Variants in TCF12 observed in about 807,000 individuals in gnomAD.
The protein encoded by TCF12 is DNA-binding protein HTF4.
Under a neutral mutation model 86.0 loss-of-function variants are expected in TCF12, and 45 were observed. The observed-to-expected ratio is 0.52, with a 90% confidence interval of 0.41 to 0.67. TCF12 has a LOEUF of 0.67. TCF12 is among the 30% of genes least tolerant of loss of function. The pLI is 0.00. For synonymous variants in TCF12, 330 were observed against 299.6 expected, an observed-to-expected ratio of 1.10 and a Z score of -1.05; for missense variants, 881 against 859.9, an observed-to-expected ratio of 1.02 and a Z score of -0.31.
intron 6 of TCF12, among the ~76,000 whole-genome samples, chr15:57,187,924 T>C (rs2056767610): frequency 6.6e-6 from 1 of 151,736 alleles, no homozygotes; most frequent in South Asian, 2.1e-4. Context: ...GATGATAGAG[T>C]GAGACTCCAT....
At chr15:57,240,404 T>C (rs1295175481) in intron 12 of TCF12, among the ~76,000 whole-genome samples, 1 of 152,180 alleles carries the variant, frequency 6.6e-6, no homozygotes, top group Non-Finnish European at 1.5e-5. Context: ...GTTGGGCTAG[T>C]TGACAGTTTT....
intron 7 of TCF12, among the ~76,000 whole-genome samples, chr15:57,192,741 T>G (rs1003887913): frequency 6.6e-6 from 1 of 152,202 alleles, no homozygotes; most frequent in Non-Finnish European, 1.5e-5. Flanking sequence ...CACATTGATG[T>G]CAGGGCTTAT....
intron 3 of TCF12, among the ~76,000 whole-genome samples, chr15:57,021,428 G>A (rs1293826394): frequency 1.3e-5 from 2 of 152,174 alleles, no homozygotes; most frequent in East Asian, 1.9e-4. Context: ...CCAGGAGGGC[G>A]GATCACAAGG....
chr15:57,018,902 G>C (rs1217562439), intron 3 of TCF12, among the ~76,000 whole-genome samples: 1 of 152,204 alleles, frequency 6.6e-6, no homozygotes, highest in African/African-American at 2.4e-5. Context: ...GAGTAAGGAA[G>C]ACCCTCTGAT....
intron 3 of TCF12, among the ~76,000 whole-genome samples, chr15:56,981,506 T>A (rs1297526921): frequency 6.6e-6 from 1 of 152,216 alleles, no homozygotes; most frequent in Non-Finnish European, 1.5e-5. Flanking sequence ...CTGTTAGGCC[T>A]CACTTCTCAA....
At position 57,263,119 on chromosome 15, in the gene TCF12, G is replaced by T. The variant is rs1384902522; in HGVS notation, c.1590G>T (p.Leu530Phe). 1 of 1,595,136 alleles carries T rather than the reference G, an allele frequency of 6.3e-7. No homozygotes were observed. Among genetic ancestry groups the T allele is most frequent in the African/African-American group, 1.4e-5 (1 of 73,522 alleles). The change falls in exon 18 of 21, where the codon TTG (leucine) becomes TTT (phenylalanine). Residue 530 changes from leucine (L) to phenylalanine (F), a missense_variant. Leu to Phe is a conservative substitution (Grantham distance 22). Coordinates refer to ENST00000333725, the MANE Select transcript of TCF12 (RefSeq NM_207037.2). Reference sequence around the variant, plus strand: ...CCTTTGCCTCTTTGTTAGGTGGCTTGCAAAGTCAGTCTGGAACTGTTGTTA... The same window carrying T: ...CCTTTGCCTCTTTGTTAGGTGGCTTTCAAAGTCAGTCTGGAACTGTTGTTA... ...HKTQENYRGGLQSQSGTVVTT... is the reference protein window; with the variant it reads ...HKTQENYRGGFQSQSGTVVTT...
At chr15:57,175,484 G>A (rs886775375) in intron 6 of TCF12, among the ~76,000 whole-genome samples, 23 of 152,292 alleles carry the variant, frequency 1.5e-4, no homozygotes, top group African/African-American at 5.3e-4. Flanking sequence ...TATGTTGTAT[G>A]GTAATGTCAA....
intron 5 of TCF12, among the ~76,000 whole-genome samples, chr15:57,111,540 G>A (rs1201553453): frequency 1.4e-5 from 2 of 147,318 alleles, no homozygotes; most frequent in African/African-American, 2.5e-5. Context: ...TCCTCTCTTA[G>A]TTTGCCTGTG....
At chr15:56,920,032 T>G in intron 2 of TCF12, 44 bp downstream of exon 2, 3 of 1,461,806 alleles carry the variant, frequency 2.1e-6, no homozygotes, top group Non-Finnish European at 2.9e-6. Context: ...GCTGAGGTTT[T>G]TGTTTGTTTG....
At chr15:56,919,856 G>C in intron 1 of TCF12, 36 bp from the exon 2 acceptor site, 1 of 1,593,036 alleles carries the variant, frequency 6.3e-7, no homozygotes, top group Non-Finnish European at 8.6e-7. Context: ...TTTGGGCCTC[G>C]GTGGTCTCTC....
intron 4 of TCF12, among the ~76,000 whole-genome samples, chr15:57,083,760 T>G (rs1372276270): frequency 6.6e-6 from 1 of 152,096 alleles, no homozygotes; most frequent in Non-Finnish European, 1.5e-5. Context: ...GATTTTCTTG[T>G]ATTTTGTAGC....
At chr15:57,238,992 A>C (rs1272450658) in intron 12 of TCF12, among the ~76,000 whole-genome samples, 1 of 152,198 alleles carries the variant, frequency 6.6e-6, no homozygotes, top group East Asian at 1.9e-4. Flanking sequence ...AAGCGTTCTG[A>C]AAGGAGGACA....
At chr15:57,008,098 C>T (rs1413561893) in intron 3 of TCF12, among the ~76,000 whole-genome samples, 1 of 151,236 alleles carries the variant, frequency 6.6e-6, no homozygotes, top group Non-Finnish European at 1.5e-5. Flanking sequence ...GTAGCTGGGA[C>T]TACAGGCACA....
intron 3 of TCF12, among the ~76,000 whole-genome samples, chr15:56,992,407 C>T (rs1472601643): frequency 6.6e-6 from 1 of 152,130 alleles, no homozygotes; most frequent in Non-Finnish European, 1.5e-5. Flanking sequence ...TTTTGTTTCT[C>T]ACGTAGCAGC....
At chr15:57,256,842 C>A (rs1377248538) in intron 16 of TCF12, among the ~76,000 whole-genome samples, 1 of 152,166 alleles carries the variant, frequency 6.6e-6, no homozygotes, top group Non-Finnish European at 1.5e-5. Flanking sequence ...TCAGGACCTC[C>A]ACAGAGCATT....
intron 5 of TCF12, among the ~76,000 whole-genome samples, chr15:57,166,186 A>C (rs905231516): frequency 6.6e-6 from 1 of 152,134 alleles, no homozygotes; most frequent in African/African-American, 2.4e-5. Flanking sequence ...CAAAGTGCTG[A>C]GATTACAGAC....
intron 3 of TCF12, among the ~76,000 whole-genome samples, chr15:57,011,502 ATTCC>A (rs2064829027): frequency 6.6e-6 from 1 of 152,094 alleles, no homozygotes; most frequent in Non-Finnish European, 1.5e-5. Context: ...TTCTTTGTAA[ATTCC>A]TCAGCCTCAG....
At chr15:57,208,143 C>G (rs1218869363) in intron 8 of TCF12, among the ~76,000 whole-genome samples, 1 of 151,074 alleles carries the variant, frequency 6.6e-6, no homozygotes, top group Non-Finnish European at 1.5e-5. Context: ...AAGCAAATCT[C>G]TGCCTCAGCC....
chr15:56,970,490 A>C (rs913540153), intron 3 of TCF12, among the ~76,000 whole-genome samples: 2 of 151,218 alleles, frequency 1.3e-5, no homozygotes, highest in African/African-American at 4.9e-5. Context: ...AAAAAAAAAA[A>C]AAAAAAAAAA....
Sources: gnomAD v4.1 joint callset for allele counts (sites outside exome capture counted in the v4.1 genomes callset) on GRCh38, gnomAD v4.1.1 for gene constraint, MANE v1.5 for transcripts, NCBI Gene and HGNC (gene_info 2026-07-23, HGNC 2026-07-21) for gene names.